Variants in SAMD5 observed in about 807,000 individuals in gnomAD.
The protein encoded by SAMD5 is sterile alpha motif domain containing 5, also known as sterile alpha motif domain-containing protein 5.
Under a neutral mutation model 11.3 loss-of-function variants are expected in SAMD5, and 13 were observed. The observed-to-expected ratio is 1.15, with a 90% CI of 0.75 to 1.83. SAMD5 has a LOEUF of 1.83. Ranked by LOEUF, SAMD5 falls within the 40% of genes most tolerant of loss-of-function variation. SAMD5 has a pLI of 0.00. For synonymous variants in SAMD5, 129 were observed against 111.3 expected, an observed-to-expected ratio of 1.16 and a Z score of -1.00; for missense variants, 255 against 239.1, an observed-to-expected ratio of 1.07 and a Z score of -0.44.
At chr6:147,558,850 C>T (rs1208382314) in intron 1 of SAMD5, among the ~76,000 whole-genome samples, 1 of 152,108 alleles carries the variant, frequency 6.6e-6, no homozygotes, top group Non-Finnish European at 1.5e-5. Flanking sequence ...TCATAATTAT[C>T]CCTTTGTTTT....
chr6:147,572,478 A>G (rs1027407507), downstream of SAMD5, among the ~76,000 whole-genome samples: 3 of 152,164 alleles, frequency 2.0e-5, no homozygotes, highest in Non-Finnish European at 2.9e-5. Context: ...CACGAAAAAT[A>G]CTGAAATGAC....
chr6:147,697,124 G>A (rs765454292), intron 1 of SAMD5, among the ~76,000 whole-genome samples: 8 of 152,072 alleles, frequency 5.3e-5, no homozygotes, highest in African/African-American at 9.7e-5. Flanking sequence ...TATTGTTACC[G>A]AAACACCAGG....
intron 1 of SAMD5, among the ~76,000 whole-genome samples, chr6:147,610,871 A>T (rs1311425918): frequency 2.1e-5 from 3 of 142,566 alleles, no homozygotes; most frequent in Middle Eastern, 7.2e-3. Flanking sequence ...AAAAGCCAGA[A>T]TTTTTTTTTT....
the SAMD5 span, among the ~76,000 whole-genome samples, chr6:147,876,530 T>C: frequency 6.6e-6 from 1 of 152,212 alleles, no homozygotes; most frequent in East Asian, 1.9e-4. Context: ...ATGGCACCTC[T>C]GAATTGACCC....
chr6:147,818,983 AC>A, the SAMD5 span, among the ~76,000 whole-genome samples: 1 of 152,100 alleles, frequency 6.6e-6, no homozygotes, highest in East Asian at 1.9e-4. Context: ...CTAGGTATAT[AC>A]CCCCCAAAAT....
chr6:147,644,663 C>T (rs1358149424), intron 1 of SAMD5, among the ~76,000 whole-genome samples: 1 of 152,118 alleles, frequency 6.6e-6, no homozygotes, highest in African/African-American at 2.4e-5. Context: ...TCAAATATTT[C>T]CATTGATTGA....
the SAMD5 span, among the ~76,000 whole-genome samples, chr6:147,779,680 T>A: frequency 6.6e-6 from 1 of 152,166 alleles, no homozygotes; most frequent in Non-Finnish European, 1.5e-5. Flanking sequence ...TTTCAAATAT[T>A]TTCAGCACAA....
rs76758881 is a variant in SAMD5 at position 147,511,346 on chromosome 6, G to C, written c.459+1959G>C. Reference sequence around the variant, plus strand: ...GTCAGCACATAGGCTTTGAACTCTGGTCTCCTGCCTAGATCAGTGGGTGCT... The same window carrying C: ...GTCAGCACATAGGCTTTGAACTCTGCTCTCCTGCCTAGATCAGTGGGTGCT... On this transcript the variant is annotated intron_variant, in intron 1 of 1. Transcript: ENST00000367474. Among the ~76,000 whole-genome samples, 218 of 152,328 alleles carry C rather than the reference G, an allele frequency of 1.4e-3. 1 individual carries two copies. Among genetic ancestry groups the C allele is most frequent in the African/African-American group, 5.1e-3 (211 of 41,568 alleles).
the SAMD5 span, among the ~76,000 whole-genome samples, chr6:147,935,311 G>A: frequency 1.8e-4 from 28 of 152,266 alleles, no homozygotes; most frequent in Non-Finnish European, 3.4e-4. Context: ...GGCCTTGAAG[G>A]AAGATGAAGC....
the SAMD5 span, among the ~76,000 whole-genome samples, chr6:147,879,441 C>A: frequency 1.3e-5 from 2 of 152,148 alleles, no homozygotes; most frequent in Non-Finnish European, 2.9e-5. Flanking sequence ...CAGACCTCAG[C>A]TTTCTGGACC....
the SAMD5 span, among the ~76,000 whole-genome samples, chr6:147,751,145 T>C: frequency 6.6e-6 from 1 of 152,142 alleles, no homozygotes; most frequent in African/African-American, 2.4e-5. Context: ...CTATTTCTTC[T>C]TCTTGGAAAG....
At chr6:147,661,110 G>GTA (rs746548394) in intron 1 of SAMD5, among the ~76,000 whole-genome samples, 2 of 152,064 alleles carry the variant, frequency 1.3e-5, no homozygotes, top group Non-Finnish European at 2.9e-5. Flanking sequence ...GCAATTATAT[G>GTA]TATATATATT....
chr6:147,600,077 C>T (rs1789593288), intron 1 of SAMD5, among the ~76,000 whole-genome samples: 2 of 152,116 alleles, frequency 1.3e-5, no homozygotes, highest in Admixed American at 1.3e-4. Flanking sequence ...GAGTGAGGGC[C>T]ACTCAGAGGA....
At chr6:147,742,487 T>A (rs1463625913), downstream of SAMD5, among the ~76,000 whole-genome samples, 1 of 152,236 alleles carries the variant, frequency 6.6e-6, no homozygotes, top group Non-Finnish European at 1.5e-5. Context: ...CTGTGATATA[T>A]AAAATTATTA....
the SAMD5 span, among the ~76,000 whole-genome samples, chr6:147,877,987 T>C: frequency 7.1e-6 from 1 of 139,910 alleles, no homozygotes; most frequent in Admixed American, 7.5e-5. Flanking sequence ...AAGATCATTA[T>C]CTCACTGTAA....
At chr6:147,807,800 C>T in the SAMD5 span, among the ~76,000 whole-genome samples, 3 of 152,144 alleles carry the variant, frequency 2.0e-5, no homozygotes, top group South Asian at 6.2e-4. Context: ...AATGTATTTG[C>T]ATAAGGGCAT....
the SAMD5 span, among the ~76,000 whole-genome samples, chr6:147,934,757 G>A: frequency 2.0e-5 from 3 of 152,100 alleles, no homozygotes; most frequent in Non-Finnish European, 4.4e-5. Context: ...GGGGATTGTG[G>A]ATTAGCTAGT....
rs186365623 is a variant in SAMD5, at chr6:147,643,675, G to A, written c.163-93642G>A. ...GAAGTATTTTGTTACTCAGAATTTG[G>A]TGTATTTTATGGAAGACTTTACTAA... On this transcript the variant is annotated intron_variant, in intron 1 of 1. Coordinates refer to the SAMD5 transcript ENST00000566741. Among the ~76,000 whole-genome samples, 8 of 151,548 alleles carry A rather than the reference G, an allele frequency of 5.3e-5. No individual in the cohort carries two copies. The East Asian group carries it at 1.2e-3, about 22-fold the overall frequency.
intron 1 of SAMD5, among the ~76,000 whole-genome samples, chr6:147,736,344 A>G (rs1314303888): frequency 1.3e-5 from 2 of 152,188 alleles, no homozygotes; most frequent in Admixed American, 1.3e-4. Flanking sequence ...AATCATAGCC[A>G]TTTTACATCC....
Sources: gnomAD v4.1 joint callset for allele counts (sites outside exome capture counted in the v4.1 genomes callset) on GRCh38, gnomAD v4.1.1 for gene constraint, MANE v1.5 for transcripts, NCBI Gene and HGNC (gene_info 2026-07-23, HGNC 2026-07-21) for gene names.